TMEM63C: variants seen among roughly 807,000 people sequenced by gnomAD.
TMEM63C encodes osmosensitive cation channel TMEM63C.
TMEM63C carries 32 observed loss-of-function variants against 99.2 expected under a neutral mutation model. The ratio of observed to expected loss-of-function variants is 0.32; its 90% confidence interval spans 0.24 to 0.43. The LOEUF (loss-of-function observed/expected upper bound fraction) is 0.43, where lower values mean the gene tolerates loss of function less well. TMEM63C is among the 20% of genes least tolerant of loss of function. The pLI, the probability that TMEM63C is intolerant of heterozygous loss-of-function variation, is 1.00. For synonymous variants in TMEM63C, 376 were observed against 397.9 expected (o/e 0.94, Z 0.66); for missense variants, 826 against 1,053.0 (o/e 0.78, Z 2.98).
chr14:77,205,915 C>A (rs998663163), intron 1 of TMEM63C, among the ~76,000 whole-genome samples: 3 of 152,316 alleles, frequency 2.0e-5, no homozygotes, highest in African/African-American at 7.2e-5. Context: ...AGGCTACACA[C>A]CCACTCTGGG....
intron 1 of TMEM63C, among the ~76,000 whole-genome samples, chr14:77,186,817 G>GTGTGTGTC: frequency 6.6e-6 from 1 of 151,148 alleles, no homozygotes; most frequent in Non-Finnish European, 1.5e-5. Flanking sequence ...GTGTGTGTGT[G>GTGTGTGTC]TGTCTGTGTG....
At chr14:77,242,278 A>G in intron 13 of TMEM63C, 69 bp from the exon 14 acceptor site, 1 of 1,567,422 alleles carries the variant, frequency 6.4e-7, no homozygotes, top group South Asian at 1.2e-5. Context: ...AGCTCCTGGC[A>G]TGAGACCCTC....
chr14:77,253,857 A>G (rs1019723458), intron 23 of TMEM63C, among the ~76,000 whole-genome samples: 1 of 151,238 alleles, frequency 6.6e-6, no homozygotes, highest in Non-Finnish European at 1.5e-5. Context: ...CTCAGAGTGC[A>G]GAGTGCAGGG....
At chr14:77,229,730 G>C (rs1385804564) in intron 6 of TMEM63C, among the ~76,000 whole-genome samples, 1 of 151,344 alleles carries the variant, frequency 6.6e-6, no homozygotes, top group Non-Finnish European at 1.5e-5. Context: ...GGGATTACAG[G>C]CGCAATCCAC....
intron 1 of TMEM63C, among the ~76,000 whole-genome samples, chr14:77,182,644 C>T (rs967382782): frequency 6.6e-6 from 1 of 152,148 alleles, no homozygotes; most frequent in African/African-American, 2.4e-5. Context: ...GGACCTCCCC[C>T]CACCCCAGCA....
intron 1 of TMEM63C, among the ~76,000 whole-genome samples, chr14:77,195,828 G>C (rs1003236882): frequency 1.3e-5 from 2 of 152,256 alleles, no homozygotes; most frequent in African/African-American, 4.8e-5. Context: ...ACCTACCTCA[G>C]GGGTGGGCAC....
At position 77,243,061 on chromosome 14, in the gene TMEM63C, C is replaced by T. The variant is rs774816905; in HGVS notation, c.1341+5C>T. The T allele has an allele frequency of 6.2e-7, 1 of 1,613,538 alleles. No homozygotes were observed. The highest frequency in any genetic ancestry group is 8.5e-7 in the Non-Finnish European group (1 of 1,179,800). On this transcript the variant is annotated splice_donor_5th_base_variant and intron_variant, in intron 15 of 23. Transcript: ENST00000298351. Reference sequence around the variant, plus strand: ...CGCCCCATCGAGAAGCTGCAGGTGCCTCCTCTGCTCAGGCCAGGCCTGGGG... The same window carrying T: ...CGCCCCATCGAGAAGCTGCAGGTGCTTCCTCTGCTCAGGCCAGGCCTGGGG...
rs1317859243 is a variant in TMEM63C, at chr14:77,256,987, G to A, written c.*261G>A. 8.6e-6 allele frequency: 4 copies of A among 466,058 alleles called. No homozygotes were observed. Among genetic ancestry groups the A allele is most frequent in the Non-Finnish European group, 1.5e-5 (4 of 259,866 alleles). The allele number at this position is 466,058 out of a possible 1,614,324, so 28.9% of individuals were successfully genotyped here. A position where few individuals can be genotyped will look rare whatever the true frequency, so the allele number is the denominator to read the frequency against. On this transcript the variant is annotated 3_prime_UTR_variant, in exon 24 of 24. Coordinates refer to ENST00000298351, the MANE Select transcript of TMEM63C (RefSeq NM_020431.4). ...GGCAAGCACATGTCTTGAGAGAGGT[G>A]GCTGGAGCCCCGGCACAGAGACTGA...
chr14:77,231,314 A>G (rs1888935058), intron 6 of TMEM63C, among the ~76,000 whole-genome samples: 2 of 152,180 alleles, frequency 1.3e-5, no homozygotes, highest in Admixed American at 6.5e-5. Context: ...CTCTATTTCA[A>G]GAGTGTTTCT....
intron 6 of TMEM63C, among the ~76,000 whole-genome samples, chr14:77,230,643 T>A (rs964835821): frequency 2.0e-4 from 31 of 152,070 alleles, no homozygotes; most frequent in African/African-American, 7.2e-4. Context: ...ATATGAGGGA[T>A]CTAGGCTGCC....
chr14:77,224,222 T>TTC (rs1888776755), intron 5 of TMEM63C, among the ~76,000 whole-genome samples: 1 of 151,910 alleles, frequency 6.6e-6, no homozygotes, highest in Non-Finnish European at 1.5e-5. Context: ...ATTTCTTTTG[T>TTC]GCCTTCTCAA....
intron 1 of TMEM63C, among the ~76,000 whole-genome samples, chr14:77,211,088 C>T (rs1038618804): frequency 2.0e-5 from 3 of 152,228 alleles, no homozygotes; most frequent in African/African-American, 4.8e-5. Context: ...GGGTTCCTGG[C>T]TCAGCCCACT....
At chr14:77,253,280 A>T (rs779922829) in intron 22 of TMEM63C, 25 bp from the exon 23 acceptor site, 1 of 1,604,484 alleles carries the variant, frequency 6.2e-7, no homozygotes, top group Non-Finnish European at 8.5e-7. Context: ...GGCCTCCTGT[A>T]ACCCACCACC....
At chr14:77,246,118 GC>G in intron 17 of TMEM63C, 92 bp downstream of exon 17, 1 of 1,020,148 alleles carries the variant, frequency 9.8e-7, no homozygotes. Flanking sequence ...GCCTGTGATT[GC>G]TGCAAACCCA....
At chr14:77,243,854 CACAT>C (rs1290214742) in intron 15 of TMEM63C, among the ~76,000 whole-genome samples, 20 of 152,228 alleles carry the variant, frequency 1.3e-4, no homozygotes, top group South Asian at 1.2e-3. Flanking sequence ...TGCACGCACA[CACAT>C]ACAGTCAACA....
chr14:77,221,412 C>A (rs62651113), intron 5 of TMEM63C, among the ~76,000 whole-genome samples: 7,775 of 44,364 alleles, frequency 0.18, 1,375 homozygotes, highest in East Asian at 0.34. Context: ...CATGCCTCCT[C>A]TCCCACTCAC....
In TMEM63C at chr14:77,256,778, T is replaced by C; in HGVS notation, c.*52T>C. Reference sequence around the variant, plus strand: ...CTTGTTGAGGGGTCAGGGGAGGGCCTGGCAAGGGGAGGCAGGAGGGTGGCC... The same window carrying C: ...CTTGTTGAGGGGTCAGGGGAGGGCCCGGCAAGGGGAGGCAGGAGGGTGGCC... On this transcript the variant is annotated 3_prime_UTR_variant, in exon 24 of 24. Coordinates refer to ENST00000298351, the MANE Select transcript of TMEM63C (RefSeq NM_020431.4). 6.4e-7 allele frequency: 1 copy of C among 1,573,320 alleles called. No individual in the cohort carries two copies. Among genetic ancestry groups the C allele is most frequent in the South Asian group, 1.1e-5 (1 of 88,236 alleles).
chr14:77,210,793 G>C (rs1888482640), intron 1 of TMEM63C, among the ~76,000 whole-genome samples: 1 of 152,178 alleles, frequency 6.6e-6, no homozygotes, highest in Non-Finnish European at 1.5e-5. Context: ...TTAACAAAAA[G>C]ATGATTAATT....
At chr14:77,250,965 T>C (rs1889349756) in intron 21 of TMEM63C, among the ~76,000 whole-genome samples, 1 of 152,242 alleles carries the variant, frequency 6.6e-6, no homozygotes, top group South Asian at 2.1e-4. Flanking sequence ...TTTCCAGGCA[T>C]GCGCTTTGGG....
Sources: allele counts gnomAD v4.1 joint callset (sites outside exome capture counted in the v4.1 genomes callset), GRCh38; gene constraint gnomAD v4.1.1; transcripts MANE v1.5; gene names NCBI Gene and HGNC (gene_info 2026-07-23, HGNC 2026-07-21).